The following CEP290 variants were observed in gnomAD, a reference collection of about 807,000 sequenced individuals.
The protein encoded by CEP290 is centrosomal protein 290.
In CEP290, 317 loss-of-function variants were observed where a neutral mutation model predicts 344.9. The observed-to-expected ratio is 0.92, with a 90% confidence interval of 0.84 to 1.01. CEP290 has a LOEUF of 1.01. CEP290 is among the 50% of genes least tolerant of loss of function. The pLI is 0.00. For synonymous variants in CEP290, 932 were observed against 895.8 expected (o/e 1.04, Z -0.72); for missense variants, 2,754 against 2,761.4 (o/e 1.00, Z 0.06).
At chr12:88,138,427 T>C (rs2040459470) in intron 5 of CEP290, among the ~76,000 whole-genome samples, 1 of 152,152 alleles carries the variant, frequency 6.6e-6, no homozygotes, top group South Asian at 2.1e-4. Flanking sequence ...CAATAGGTCA[T>C]CCAAGTTCAG....
At chr12:88,061,047 G>A (rs972430137) in intron 46 of CEP290, 53 bp from the exon 47 acceptor site, 4 of 1,326,856 alleles carry the variant, frequency 3.0e-6, no homozygotes, top group Non-Finnish European at 4.1e-6. Context: ...AGTATAATAC[G>A]AAGTACCAAC....
chr12:88,117,005 T>C (rs1241173739), intron 18 of CEP290, 28 bp downstream of exon 18: 1 of 1,082,636 alleles, frequency 9.2e-7, no homozygotes. Context: ...TATTTTCCTT[T>C]ACTCTCTTTG....
chr12:88,060,235 T>C (rs1235110025), intron 47 of CEP290, among the ~76,000 whole-genome samples: 3 of 152,216 alleles, frequency 2.0e-5, no homozygotes, highest in African/African-American at 7.2e-5. Flanking sequence ...ACAACATACA[T>C]ATCTGTGTCA....
intron 2 of CEP290, 45 bp downstream of exon 2, chr12:88,141,161 T>C: frequency 7.6e-7 from 1 of 1,313,426 alleles, no homozygotes; most frequent in Non-Finnish European, 1.0e-6. Flanking sequence ...AATAAATTAA[T>C]CATAAGTTAA....
intron 13 of CEP290, among the ~76,000 whole-genome samples, chr12:88,121,604 T>G: frequency 7.7e-6 from 1 of 129,428 alleles, no homozygotes; most frequent in African/African-American, 2.8e-5. Flanking sequence ...AAAGTTCATA[T>G]GTGAATTTCA....
chr12:88,140,640 T>C (rs528549997), intron 3 of CEP290, among the ~76,000 whole-genome samples: 1 of 152,340 alleles, frequency 6.6e-6, no homozygotes, highest in East Asian at 1.9e-4. Context: ...TGACATCTCT[T>C]AAATCATTTC....
At chr12:88,058,603 G>A (rs750376811) in intron 49 of CEP290, 25 of 482,492 alleles carry the variant, frequency 5.2e-5, no homozygotes, top group South Asian at 1.1e-4. Context: ...CAACTCCTTC[G>A]CCCAGCCCCA....
rs1213270486 is a variant in CEP290 at position 88,084,483 on chromosome 12, T to C, written c.4704+103A>G. On this transcript the variant is annotated intron_variant, in intron 35 of 53. Transcript: ENST00000552810. ...AAGTAACAATTCTTAAATAGAATCA[T>C]TTGAAAGCAAGAAAAGAAATACCAC... 5.6e-6 allele frequency: 6 copies of C among 1,067,886 alleles called. No homozygotes were observed. The East Asian group carries it at 7.1e-5, about 13-fold the overall frequency. The allele number at this position is 1,067,886 out of a possible 1,614,324, so 66.2% of individuals were successfully genotyped here. A position where few individuals can be genotyped will look rare whatever the true frequency, so the allele number is the denominator to read the frequency against.
chr12:88,082,903 C>T, intron 37 of CEP290, 128 bp downstream of exon 37: 2 of 577,786 alleles, frequency 3.5e-6, no homozygotes, highest in South Asian at 5.2e-5. Flanking sequence ...ACCAGCAGTC[C>T]TGAGGATAAA....
chr12:88,133,263 T>G (rs1036662646), intron 6 of CEP290, among the ~76,000 whole-genome samples: 1 of 151,894 alleles, frequency 6.6e-6, no homozygotes, highest in Non-Finnish European at 1.5e-5. Flanking sequence ...TTTTGTTTTG[T>G]TTTTGTAGAG....
At chr12:88,086,612 T>A in intron 32 of CEP290, 114 bp from the exon 33 acceptor site, 1 of 673,034 alleles carries the variant, frequency 1.5e-6, no homozygotes. Context: ...AAACTGTAAT[T>A]ATTTTCCTTT....
At chr12:88,107,859 G>A (rs139762194) in intron 23 of CEP290, among the ~76,000 whole-genome samples, 14 of 150,474 alleles carry the variant, frequency 9.3e-5, no homozygotes, top group Admixed American at 2.0e-4. Context: ...CCAAGATAGC[G>A]CCACTGCACT....
intron 32 of CEP290, among the ~76,000 whole-genome samples, chr12:88,086,718 T>TCCATCCATCCATCCATCCAG (rs2036607158): frequency 6.6e-6 from 1 of 151,892 alleles, no homozygotes; most frequent in African/African-American, 2.4e-5. Flanking sequence ...CATCCATCCA[T>TCCATCCATCCATCCATCCAG]CCATCCATCC....
In CEP290 at chr12:88,106,788, T is replaced by C. The variant is rs1353471879; in HGVS notation, c.2704A>G (p.Thr902Ala). ...NEKSLIRQYT[T>A]LVELERQLRK... ...AGTTGTCGCTCCAATTCTACTAAGG[T>C]TGTATATTGCCTTATAAGTGATTTT... The change falls in exon 25 of 54, where the codon ACC (threonine) becomes GCC (alanine). Residue 902 changes from threonine (T) to alanine (A), a missense_variant. Coordinates refer to ENST00000552810, the MANE Select transcript of CEP290 (RefSeq NM_025114.4). 6.2e-7 allele frequency: 1 copy of C among 1,610,096 alleles called. No homozygotes were observed. The highest frequency in any genetic ancestry group is 1.1e-5 in the South Asian group (1 of 90,688).
chr12:88,129,762 C>T lies in CEP290; in HGVS notation c.784G>A (p.Ala262Thr), dbSNP rs1331352301. The stretch of plus-strand genomic sequence containing the variant: ...ACATTATCTGTCTGATGCACAATAG[C>T]TTTCATTCTATTATATTCATCAGTC... ...KMTDEYNRMKAIVHQTDNVID... is the reference protein window; with the variant it reads ...KMTDEYNRMKTIVHQTDNVID... Residue 262 changes from alanine (A) to threonine (T), a missense_variant, in exon 10 of 54, where the codon GCT becomes ACT. Coordinates refer to ENST00000552810, the MANE Select transcript of CEP290 (RefSeq NM_025114.4). The T allele has an allele frequency of 2.0e-6, 3 of 1,484,198 alleles. No individual in the cohort carries two copies. The African/African-American group carries it at 4.3e-5, about 21-fold the overall frequency. The allele number at this position is 1,484,198 out of a possible 1,614,324, so 91.9% of individuals were successfully genotyped here.
At chr12:88,077,631 A>G (rs1412878089) in intron 40 of CEP290, 66 bp downstream of exon 40, 2 of 948,394 alleles carry the variant, frequency 2.1e-6, no homozygotes, top group African/African-American at 3.4e-5. Context: ...TAAAATGATA[A>G]AGTAGAAATA....
intron 43 of CEP290, 103 bp from the exon 44 acceptor site, chr12:88,068,748 T>C: frequency 8.9e-7 from 1 of 1,126,314 alleles, no homozygotes; most frequent in Non-Finnish European, 1.2e-6. Flanking sequence ...AGTGTGTTTA[T>C]TAACACTATA....
At chr12:88,074,225 CA>C (rs962128200) in intron 41 of CEP290, among the ~76,000 whole-genome samples, 6 of 146,944 alleles carry the variant, frequency 4.1e-5, no homozygotes, top group East Asian at 2.0e-4. Flanking sequence ...AACTCCATCT[CA>C]AAAAAAAAAG....
In CEP290 at chr12:88,093,806, C is replaced by T. The variant is rs771584252; in HGVS notation, c.3273G>A (p.Glu1091=). 73 of 1,611,428 alleles carry T rather than the reference C, an allele frequency of 4.5e-5. No homozygotes were observed. The highest frequency in any genetic ancestry group is 5.9e-5 in the Non-Finnish European group (69 of 1,178,656). ...TGGTTTCCAATTCAAAATTACGTTC[C>T]TCCATTTGCTTTAACGAAGTCCGTA... The part of the protein sequence containing the change: ...EHLRTSLKQM[E]ERNFELETKF... The change falls in exon 28 of 54, where the codon GAG becomes GAA. Residue 1091 remains glutamate, a synonymous_variant. Coordinates refer to ENST00000552810, the MANE Select transcript of CEP290 (RefSeq NM_025114.4).
Sources: gnomAD v4.1 joint callset for allele counts (sites outside exome capture counted in the v4.1 genomes callset) on GRCh38, gnomAD v4.1.1 for gene constraint, MANE v1.5 for transcripts, NCBI Gene and HGNC (gene_info 2026-07-23, HGNC 2026-07-21) for gene names.